Variants in TMEFF2 observed in about 807,000 individuals in gnomAD.
The protein encoded by TMEFF2 is transmembrane protein with EGF like and two follistatin like domains 2.
In TMEFF2, 28 loss-of-function variants were observed where a neutral mutation model predicts 53.8. That is an observed-to-expected ratio of 0.52 (90% CI 0.39 to 0.71). TMEFF2 has a LOEUF of 0.71. Among genes scored for constraint, TMEFF2 ranks in the 30% least tolerant of loss-of-function variants. TMEFF2 has a pLI of 0.00. For synonymous variants in TMEFF2, 162 were observed against 166.3 expected (o/e 0.97, Z 0.20); for missense variants, 353 against 455.2 (o/e 0.78, Z 2.04).
chr2:191,993,151 G>C lies in TMEFF2; in HGVS notation c.745+5111C>G, dbSNP rs1017348912. Among the ~76,000 whole-genome samples, 9 of 152,004 alleles carry C rather than the reference G, an allele frequency of 5.9e-5. No homozygotes were observed. The South Asian group carries it at 1.0e-3, about 18-fold the overall frequency. ...TGAAAAGGCTTTGTAAATTGCAATG[G>C]CTTCTACAGAGAACAAGTTATTAGG... On this transcript the variant is annotated intron_variant, in intron 7 of 9. Transcript: ENST00000272771.
chr2:192,000,269 C>A (rs1017552460), intron 5 of TMEFF2, among the ~76,000 whole-genome samples: 6 of 152,054 alleles, frequency 3.9e-5, no homozygotes, highest in Non-Finnish European at 7.4e-5. Context: ...ATTTTTACTT[C>A]TGTATATTTT....
chr2:192,121,022 C>T (rs1689538883), intron 4 of TMEFF2, among the ~76,000 whole-genome samples: 1 of 152,064 alleles, frequency 6.6e-6, no homozygotes, highest in Non-Finnish European at 1.5e-5. Context: ...ACGTGAGCCA[C>T]CACACCCAGC....
chr2:192,141,723 G>C (rs886498544), intron 4 of TMEFF2, among the ~76,000 whole-genome samples: 1 of 152,172 alleles, frequency 6.6e-6, no homozygotes, highest in African/African-American at 2.4e-5. Context: ...ACATGTTGGA[G>C]TGTGAAATTA....
intron 9 of TMEFF2, among the ~76,000 whole-genome samples, chr2:191,950,707 G>T (rs1487289098): frequency 6.6e-6 from 1 of 152,106 alleles, no homozygotes; most frequent in Non-Finnish European, 1.5e-5. Context: ...ATGCAATCAA[G>T]CAAGTCATGG....
chr2:191,995,377 T>C (rs1007149716), intron 7 of TMEFF2, among the ~76,000 whole-genome samples: 25 of 151,968 alleles, frequency 1.6e-4, no homozygotes, highest in African/African-American at 6.0e-4. Flanking sequence ...GCAAAAATGA[T>C]AGTATGTTAG....
At position 191,974,099 on chromosome 2, in the gene TMEFF2, T is replaced by C. The variant is rs533324351; in HGVS notation, c.746-17721A>G. ...TACTCATGCCCAATTTTTCTGTGTGTTCTCATTTTTAATCTGGTGTTTTCT... is the reference window on the plus strand; with the variant it reads ...TACTCATGCCCAATTTTTCTGTGTGCTCTCATTTTTAATCTGGTGTTTTCT... On this transcript the variant is annotated intron_variant, in intron 7 of 9. Coordinates refer to ENST00000272771, the MANE Select transcript of TMEFF2 (RefSeq NM_016192.4). Among the ~76,000 whole-genome samples, 13 of 152,328 alleles carry C rather than the reference T, an allele frequency of 8.5e-5. No individual in the cohort carries two copies. The South Asian group carries it at 2.7e-3, about 32-fold the overall frequency.
chr2:191,956,346 CT>C lies in TMEFF2; in HGVS notation c.777del (p.Glu260AsnfsTer62). Reference protein sequence around the residue: ...ENANKLEESAREHHIPCPEHY... With the variant: ...ENANKLEESAXEHHIPCPEHY... ...TGTTCCGGACAAGGTATGTGGTGTT[CT>C]CTGGCACTTTCTTCTAATTTGTTAG... On this transcript the variant is annotated frameshift_variant, in exon 8 of 10. Coordinates refer to ENST00000272771, the MANE Select transcript of TMEFF2 (RefSeq NM_016192.4). LOFTEE classifies it high-confidence loss of function. The C allele has an allele frequency of 1.2e-6, 2 of 1,613,840 alleles. No individual in the cohort carries two copies. Among genetic ancestry groups the C allele is most frequent in the Admixed American group, 3.3e-5 (2 of 59,956 alleles).
intron 7 of TMEFF2, among the ~76,000 whole-genome samples, chr2:191,972,291 C>T (rs1692668242): frequency 2.0e-5 from 3 of 149,874 alleles, no homozygotes; most frequent in East Asian, 3.9e-4. Flanking sequence ...ATTACAGGCA[C>T]CCACCATCAT....
intron 7 of TMEFF2, among the ~76,000 whole-genome samples, chr2:191,972,959 A>G (rs1692691404): frequency 6.6e-6 from 1 of 152,224 alleles, no homozygotes; most frequent in Non-Finnish European, 1.5e-5. Flanking sequence ...TGAACTAGCT[A>G]CTAAATAATA....
chr2:191,969,374 A>G (rs1194930263), intron 7 of TMEFF2, among the ~76,000 whole-genome samples: 2 of 152,122 alleles, frequency 1.3e-5, no homozygotes, highest in African/African-American at 4.8e-5. Flanking sequence ...TAAAGGTACA[A>G]TCAATCCCTA....
chr2:192,181,937 C>A (rs1691195583), intron 3 of TMEFF2, among the ~76,000 whole-genome samples: 1 of 151,686 alleles, frequency 6.6e-6, no homozygotes, highest in African/African-American at 2.4e-5. Context: ...TATGATAAGT[C>A]ATCCTGGCCA....
At chr2:192,030,863 C>T (rs1350480099) in intron 5 of TMEFF2, among the ~76,000 whole-genome samples, 13 of 152,024 alleles carry the variant, frequency 8.6e-5, no homozygotes, top group Non-Finnish European at 1.8e-4. Flanking sequence ...TCAGCAATGG[C>T]ATGGTTAATT....
chr2:192,112,615 G>C (rs918622440), intron 4 of TMEFF2, among the ~76,000 whole-genome samples: 2 of 152,150 alleles, frequency 1.3e-5, no homozygotes, highest in Non-Finnish European at 2.9e-5. Context: ...GGAACTGTTA[G>C]GAAGGCATGA....
rs1277486863 is a variant in TMEFF2, at chr2:192,194,728, G to A, written c.-204C>T. The stretch of plus-strand genomic sequence containing the variant: ...ACATCCAGGGACTGGGCTCAGCCCC[G>A]GAGCGAGAGGGTCGTCCGCTGAGAA... On this transcript the variant is annotated 5_prime_UTR_variant, in exon 1 of 10. Coordinates refer to ENST00000272771, the MANE Select transcript of TMEFF2 (RefSeq NM_016192.4). The surrounding 1 kb of genome is among the most constrained non-coding windows in gnomAD (Gnocchi z 4.2). 2 of 596,120 alleles carry A rather than the reference G, an allele frequency of 3.4e-6. No homozygotes were observed. Among genetic ancestry groups the A allele is most frequent in the African/African-American group, 1.9e-5 (1 of 53,580 alleles). The allele number at this position is 596,120 out of a possible 1,614,324, so 36.9% of individuals were successfully genotyped here.
chr2:192,020,663 A>T (rs1686839222), intron 5 of TMEFF2, among the ~76,000 whole-genome samples: 1 of 152,098 alleles, frequency 6.6e-6, no homozygotes, highest in Non-Finnish European at 1.5e-5. Context: ...ATTTTCAAAA[A>T]GTGTTATGGT....
At chr2:191,985,569 A>C (rs1685956415) in intron 7 of TMEFF2, among the ~76,000 whole-genome samples, 1 of 152,214 alleles carries the variant, frequency 6.6e-6, no homozygotes, top group Admixed American at 6.5e-5. Flanking sequence ...CAAATTTATC[A>C]GACAACTTAT....
intron 7 of TMEFF2, among the ~76,000 whole-genome samples, chr2:191,976,916 C>T (rs968830987): frequency 3.3e-5 from 5 of 152,176 alleles, no homozygotes; most frequent in East Asian, 1.9e-4. Flanking sequence ...TCTGTGACCA[C>T]GGGCAACTTA....
Position 191,989,764 on chromosome 2 carries a change from T to C in TMEFF2, c.745+8498A>G, listed in dbSNP as rs150315531. Among the ~76,000 whole-genome samples, 58 of 152,210 alleles carry C rather than the reference T, an allele frequency of 3.8e-4. 1 individual carries two copies. The South Asian group carries it at 5.8e-3, about 15-fold the overall frequency. ...ACCCACAATGTGCTGCCCTTGTTGGTTCTTGGCCCTTGATTAAGCCCATTT... is the reference window on the plus strand; with the variant it reads ...ACCCACAATGTGCTGCCCTTGTTGGCTCTTGGCCCTTGATTAAGCCCATTT... On this transcript the variant is annotated intron_variant, in intron 7 of 9. Coordinates refer to ENST00000272771, the MANE Select transcript of TMEFF2 (RefSeq NM_016192.4).
intron 4 of TMEFF2, among the ~76,000 whole-genome samples, chr2:192,115,037 A>G (rs991364938): frequency 5.3e-5 from 8 of 152,006 alleles, no homozygotes; most frequent in Non-Finnish European, 1.0e-4. Flanking sequence ...GATTCAATGC[A>G]ATCCCTATCA....
Sources: gnomAD v4.1 joint callset for allele counts (sites outside exome capture counted in the v4.1 genomes callset) on GRCh38, gnomAD v4.1.1 for gene constraint, Gnocchi (gnomAD v3.1) non-coding constraint, MANE v1.5 for transcripts, NCBI Gene and HGNC (gene_info 2026-07-23, HGNC 2026-07-21) for gene names.